Variants in NCOA5 observed in about 807,000 individuals in gnomAD.
NCOA5 encodes NCoA-5.
Under a neutral mutation model 59.0 loss-of-function variants are expected in NCOA5, and 12 were observed. The ratio of observed to expected loss-of-function variants is 0.20; its 90% CI spans 0.13 to 0.33. The LOEUF (loss-of-function observed/expected upper bound fraction) is 0.33, where lower values mean the gene tolerates loss of function less well. Ranked by LOEUF, NCOA5 falls within the 10% of genes least tolerant of loss-of-function variation. NCOA5 has a pLI of 1.00. For synonymous variants in NCOA5, 270 were observed against 275.5 expected (o/e 0.98, Z 0.20); for missense variants, 655 against 766.6 (o/e 0.85, Z 1.72).
At chr20:46,078,777 T>C (rs974380859) in intron 2 of NCOA5, among the ~76,000 whole-genome samples, 7 of 152,198 alleles carry the variant, frequency 4.6e-5, no homozygotes, top group African/African-American at 1.2e-4. Flanking sequence ...TTATCTCTTT[T>C]GTATACACCG....
intron 3 of NCOA5, among the ~76,000 whole-genome samples, chr20:46,069,282 G>T (rs2084856744): frequency 6.6e-6 from 1 of 152,046 alleles, no homozygotes; most frequent in Non-Finnish European, 1.5e-5. Context: ...CTATAAATTT[G>T]CGTATTCTTG....
intron 1 of NCOA5, among the ~76,000 whole-genome samples, chr20:46,088,559 T>C (rs2085066678): frequency 6.6e-6 from 1 of 152,128 alleles, no homozygotes; most frequent in African/African-American, 2.4e-5. Flanking sequence ...CCAGCATTTG[T>C]AGAAACATCT....
chr20:46,062,357 G>C lies in NCOA5; in HGVS notation c.1683C>G (p.Thr561=). ...GPALSHLVSQ[T]TAQMGQPQAP... is the part of the protein sequence containing the mutation. ...CCTGTGGCTGCCCCATCTGTGCTGT[G>C]GTCTGGCTAACCAGGTGGGAGAGAG... Residue 561 remains threonine (T), a synonymous_variant, in exon 8 of 8, where the codon ACC becomes ACG. Coordinates refer to ENST00000290231, the MANE Select transcript of NCOA5 (RefSeq NM_020967.3). 2 of 1,614,122 alleles carry C rather than the reference G, an allele frequency of 1.2e-6. No individual in the cohort carries two copies. The highest frequency in any genetic ancestry group is 2.2e-5 in the South Asian group (2 of 91,074).
chr20:46,072,867 T>G (rs181616640), intron 2 of NCOA5, among the ~76,000 whole-genome samples: 1 of 152,342 alleles, frequency 6.6e-6, no homozygotes, highest in East Asian at 1.9e-4. Flanking sequence ...AGACTACAAG[T>G]GCCACAAGGA....
Position 46,068,654 on chromosome 20 carries a change from A to T in NCOA5, c.366-16T>A, listed in dbSNP as rs1435683808. 1 of 1,601,480 alleles carries T rather than the reference A, an allele frequency of 6.2e-7. No homozygotes were observed. ...GCCTTCTCTCCTGAAAAGTTAAGGA[A>T]ATTTTCATAAAGATAAAACTGTGTC... On this transcript the variant is annotated splice_polypyrimidine_tract_variant and intron_variant, in intron 3 of 7. Coordinates refer to ENST00000290231, the MANE Select transcript of NCOA5 (RefSeq NM_020967.3).
intron 2 of NCOA5, among the ~76,000 whole-genome samples, chr20:46,075,491 T>C (rs2084927492): frequency 6.6e-6 from 1 of 152,230 alleles, no homozygotes; most frequent in African/African-American, 2.4e-5. Context: ...GATGAGCCGA[T>C]ACCCAATGAC....
chr20:46,083,304 C>T (rs530671638), intron 1 of NCOA5, among the ~76,000 whole-genome samples: 1 of 152,272 alleles, frequency 6.6e-6, no homozygotes, highest in South Asian at 2.1e-4. Flanking sequence ...CCAGTTTTAG[C>T]CAGCATGAAA....
intron 3 of NCOA5, among the ~76,000 whole-genome samples, chr20:46,069,217 G>A (rs953948711): frequency 1.4e-4 from 21 of 152,026 alleles, no homozygotes; most frequent in African/African-American, 4.3e-4. Flanking sequence ...TTCTGTATTC[G>A]TGAAATAACT....
chr20:46,062,501 G>A lies in NCOA5; in HGVS notation c.1539C>T (p.Ser513=). ...TGTTGCTAGCAGGTGCCAGGCGACT[G>A]GAAGGCTGGCCAAAAAGCCCTTGGG... The part of the protein sequence containing the change: ...APSQGLFGQP[S]SRLAPASNMT... Residue 513 remains serine, a synonymous_variant, in exon 8 of 8, where the codon TCC becomes TCT. Coordinates refer to ENST00000290231, the MANE Select transcript of NCOA5 (RefSeq NM_020967.3). 2.5e-6 allele frequency: 4 copies of A among 1,614,184 alleles called. No individual in the cohort carries two copies. The highest frequency in any genetic ancestry group is 3.4e-6 in the Non-Finnish European group (4 of 1,180,022).
At chr20:46,074,868 G>A (rs950665452) in intron 2 of NCOA5, among the ~76,000 whole-genome samples, 1 of 152,166 alleles carries the variant, frequency 6.6e-6, no homozygotes, top group African/African-American at 2.4e-5. Context: ...TTCTACAGAC[G>A]GTCAGGGAGG....
chr20:46,064,395 G>A (rs2084799463), intron 6 of NCOA5, among the ~76,000 whole-genome samples: 1 of 152,230 alleles, frequency 6.6e-6, no homozygotes, highest in African/African-American at 2.4e-5. Context: ...TCAGCTGGCG[G>A]ACTCTTAATC....
chr20:46,071,966 G>C (rs1006419592), intron 2 of NCOA5, among the ~76,000 whole-genome samples: 1 of 152,094 alleles, frequency 6.6e-6, no homozygotes, highest in Admixed American at 6.6e-5. Context: ...CTGAACTCTT[G>C]ATCTTCCCCA....
At chr20:46,079,748 C>A (rs2084972147) in intron 1 of NCOA5, among the ~76,000 whole-genome samples, 1 of 152,166 alleles carries the variant, frequency 6.6e-6, no homozygotes, top group Non-Finnish European at 1.5e-5. Flanking sequence ...TGACACATTC[C>A]CTCCAAGGGG....
Position 46,062,158 on chromosome 20 carries a change from G to T in NCOA5, c.*142C>A. The stretch of plus-strand genomic sequence containing the variant: ...ATAAGCAACACAGCCTTGGGCAGAA[G>T]AGAGAGCAGGTGGTAGAAATTGATG... On this transcript the variant is annotated 3_prime_UTR_variant, in exon 8 of 8. Coordinates refer to ENST00000290231, the MANE Select transcript of NCOA5 (RefSeq NM_020967.3). The T allele has an allele frequency of 1.6e-6, 1 of 630,352 alleles. No homozygotes were observed. Among genetic ancestry groups the T allele is most frequent in the African/African-American group, 1.8e-5 (1 of 54,598 alleles). The allele number at this position is 630,352 out of a possible 1,614,324, so 39.0% of individuals were successfully genotyped here. A position where few individuals can be genotyped will look rare whatever the true frequency, so the allele number is the denominator to read the frequency against.
rs192374916 is a variant in NCOA5 at position 46,083,372 on chromosome 20, G to A, written c.-29-3919C>T. Among the ~76,000 whole-genome samples, 376 of 152,274 alleles carry A rather than the reference G, an allele frequency of 2.5e-3. 3 individuals carry two copies. The highest frequency in any genetic ancestry group is 8.5e-3 in the African/African-American group (355 of 41,554). On this transcript the variant is annotated intron_variant, in intron 1 of 7. Transcript: ENST00000290231. ...AAAGTAACTCTGAAATGACCAATCC[G>A]CTTTTTGCTCCTTGTCTCTGCTTTC...
chr20:46,078,176 A>G (rs1600629632), intron 2 of NCOA5, among the ~76,000 whole-genome samples: 3 of 145,980 alleles, frequency 2.1e-5, no homozygotes, highest in African/African-American at 7.4e-5. Context: ...TGAAACCAGC[A>G]GCATTACTTG....
Position 46,070,240 on chromosome 20 carries a change from T to C in NCOA5, c.335A>G (p.Asp112Gly). Residue 112 changes from aspartate (D) to glycine (G), a missense_variant, in exon 3 of 8, where the codon GAC (aspartate) becomes GGC (glycine). By Grantham distance (94) the Asp-to-Gly change is moderately conservative. Transcript: ENST00000290231. ...CATAGGATCTCGGGAGTCTCTCATGTCTCTGTATCTGTCGTACATGGGGTC... is the reference window on the plus strand; with the variant it reads ...CATAGGATCTCGGGAGTCTCTCATGCCTCTGTATCTGTCGTACATGGGGTC... ...QRDPMYDRYR[D>G]MRDSRDPMYR... is the part of the protein sequence containing the mutation. 1.9e-6 allele frequency: 3 copies of C among 1,614,042 alleles called. No homozygotes were observed. The highest frequency in any genetic ancestry group is 2.5e-6 in the Non-Finnish European group (3 of 1,179,990).
intron 5 of NCOA5, among the ~76,000 whole-genome samples, chr20:46,066,084 G>C (rs6032645): frequency 7.2e-4 from 110 of 152,228 alleles, no homozygotes; most frequent in African/African-American, 2.3e-3. Context: ...ACTGCTTGGT[G>C]TCTCAACACC....
chr20:46,069,635 G>A lies in NCOA5; in HGVS notation c.365+575C>T, dbSNP rs779065903. ...AGTCCCAGTTACTTGAGAGGCTGAG[G>A]TGGGAGAAGTACTTAAGCCTGGGAG... On this transcript the variant is annotated intron_variant, in intron 3 of 7. Coordinates refer to ENST00000290231, the MANE Select transcript of NCOA5 (RefSeq NM_020967.3). Among the ~76,000 whole-genome samples, 12 of 152,200 alleles carry A rather than the reference G, an allele frequency of 7.9e-5. No individual in the cohort carries two copies. In the South Asian group the frequency reaches 2.1e-3, roughly 26 times the overall value.
Sources: gnomAD v4.1 joint callset for allele counts (sites outside exome capture counted in the v4.1 genomes callset) on GRCh38, gnomAD v4.1.1 for gene constraint, MANE v1.5 for transcripts, NCBI Gene and HGNC (gene_info 2026-07-23, HGNC 2026-07-21) for gene names.